RFTN1: variants seen among roughly 807,000 people sequenced by gnomAD.
RFTN1 encodes the protein raftlin, lipid raft linker 1, also known as raftlin.
Under a neutral mutation model 46.5 loss-of-function variants are expected in RFTN1, and 26 were observed. The ratio of observed to expected loss-of-function variants is 0.56; its 90% CI spans 0.41 to 0.78. The LOEUF (loss-of-function observed/expected upper bound fraction) is 0.78. Among genes scored for constraint, RFTN1 ranks in the 30% least tolerant of loss-of-function variants. The probability of loss-of-function intolerance (pLI) is 0.00; values close to 1 mark genes in which losing one functional copy is unlikely to be tolerated. For missense variants in RFTN1, 693 were observed against 718.7 expected, an observed-to-expected ratio of 0.96 and a Z score of 0.41; for synonymous variants, 261 against 284.2, an observed-to-expected ratio of 0.92 and a Z score of 0.82.
At chr3:16,347,373 CAGA>C (rs1390707828) in intron 7 of RFTN1, among the ~76,000 whole-genome samples, 1 of 152,182 alleles carries the variant, frequency 6.6e-6, no homozygotes, top group Non-Finnish European at 1.5e-5. Flanking sequence ...TTCTGGAAGC[CAGA>C]AGTTCAAAAT....
In RFTN1 at chr3:16,457,897, A is replaced by C. The variant is rs1405379415; in HGVS notation, c.146-23860T>G. 6.6e-6 allele frequency among the ~76,000 whole-genome samples: 1 copy of C among 152,130 alleles called. No individual in the cohort carries two copies. The highest frequency in any genetic ancestry group is 2.4e-5 in the African/African-American group (1 of 41,418). Reference sequence around the variant, plus strand: ...AGGGCTCAGCCCTTATGAGTGGATTAATATCATTATAAAAGGGTTTCACAG... The same window carrying C: ...AGGGCTCAGCCCTTATGAGTGGATTCATATCATTATAAAAGGGTTTCACAG... On this transcript the variant is annotated intron_variant, in intron 2 of 9. Coordinates refer to ENST00000334133, the MANE Select transcript of RFTN1 (RefSeq NM_015150.2). The surrounding 1 kb of genome is among the most constrained non-coding windows in gnomAD (Gnocchi z 4.2).
At chr3:16,401,321 TAAAAA>T (rs56312811) in intron 4 of RFTN1, among the ~76,000 whole-genome samples, 61 of 145,436 alleles carry the variant, frequency 4.2e-4, no homozygotes, top group Non-Finnish European at 4.4e-4. Flanking sequence ...GAAGCCGTGT[TAAAAA>T]AAAAAAAAAA....
rs35848042 is a variant in RFTN1 at position 16,507,599 on chromosome 3, AAC to A, written c.-9+5841_-9+5842del. Among the ~76,000 whole-genome samples the A allele has an allele frequency of 1.4e-3, 205 of 142,362 alleles. No homozygotes were observed. The highest frequency in any genetic ancestry group is 7.4e-3 in the Middle Eastern group (2 of 272). 93.4% of individuals were successfully genotyped at this position (142,362 alleles called of 152,430 possible). A position where few individuals can be genotyped will look rare whatever the true frequency, so the allele number is the denominator to read the frequency against. ...TAAAAGGCAAAGTAGGGAGTTTCAA[AAC>A]ACACACACACACACACACACATACA... On this transcript the variant is annotated intron_variant, in intron 1 of 9. Coordinates refer to ENST00000334133, the MANE Select transcript of RFTN1 (RefSeq NM_015150.2). This position sits in a 1 kb window ranked among gnomAD's most constrained non-coding sequence, Gnocchi z 7.1.
chr3:16,346,751 G>A lies in RFTN1; in HGVS notation c.1146+11181C>T, dbSNP rs898372366. 2.0e-5 allele frequency among the ~76,000 whole-genome samples: 3 copies of A among 152,264 alleles called. No individual in the cohort carries two copies. Among genetic ancestry groups the A allele is most frequent in the South Asian group, 2.1e-4 (1 of 4,826 alleles). ...ACGTGTGGCAGGAAAAAACTGCCCCGTTCTTCACGGTTGTCATCACATTTG... is the reference window on the plus strand; with the variant it reads ...ACGTGTGGCAGGAAAAAACTGCCCCATTCTTCACGGTTGTCATCACATTTG... On this transcript the variant is annotated intron_variant, in intron 7 of 9. Transcript: ENST00000334133. The surrounding 1 kb of genome is among the most constrained non-coding windows in gnomAD (Gnocchi z 4.4).
rs690388 is a variant in RFTN1, at chr3:16,342,762, C to T, written c.1146+15170G>A. On this transcript the variant is annotated intron_variant, in intron 7 of 9. Transcript: ENST00000334133. This position sits in a 1 kb window ranked among gnomAD's most constrained non-coding sequence, Gnocchi z 4.0. ...TAAAGAGGCCACTGATTTAAAAGCT[C>T]TGTGTCAACATGCATGCCCAGCTTA... Among the ~76,000 whole-genome samples, 1 of 152,234 alleles carries T rather than the reference C, an allele frequency of 6.6e-6. No individual in the cohort carries two copies. Among genetic ancestry groups the T allele is most frequent in the Admixed American group, 6.5e-5 (1 of 15,300 alleles).
chr3:16,492,918 T>C (rs573852689), intron 2 of RFTN1, among the ~76,000 whole-genome samples: 35 of 152,308 alleles, frequency 2.3e-4, no homozygotes, highest in African/African-American at 8.4e-4. Flanking sequence ...TGACCATCCC[T>C]TGCCAGTCTT....
In RFTN1 at chr3:16,376,226, G is replaced by A. The variant is rs2073764403; in HGVS notation, c.826+1492C>T. On this transcript the variant is annotated intron_variant, in intron 5 of 9. Transcript: ENST00000334133. This position sits in a 1 kb window ranked among gnomAD's most constrained non-coding sequence, Gnocchi z 4.7. ...ATACTCATGAGTCAAACAGTGCCGA[G>A]TGCTTTAAATGTACAACTTTAACCT... 6.6e-6 allele frequency among the ~76,000 whole-genome samples: 1 copy of A among 152,182 alleles called. No individual in the cohort carries two copies. The highest frequency in any genetic ancestry group is 2.1e-4 in the South Asian group (1 of 4,826).
intron 3 of RFTN1, among the ~76,000 whole-genome samples, chr3:16,417,589 C>T (rs1018123621): frequency 2.0e-5 from 3 of 151,942 alleles, no homozygotes; most frequent in Non-Finnish European, 1.5e-5. Context: ...TGTGTGCAAA[C>T]TCAGAGATGT....
At chr3:16,471,708 C>A (rs2076199028) in intron 2 of RFTN1, among the ~76,000 whole-genome samples, 2 of 152,144 alleles carry the variant, frequency 1.3e-5, no homozygotes, top group South Asian at 4.2e-4. Context: ...CTTAAGCATT[C>A]TAAAACACAC....
intron 4 of RFTN1, among the ~76,000 whole-genome samples, chr3:16,395,008 T>TG (rs1277261203): frequency 2.0e-5 from 3 of 151,872 alleles, no homozygotes; most frequent in African/African-American, 4.8e-5. Context: ...CAATAATACA[T>TG]GAAAAAAAAG....
rs1483824576 is a variant in RFTN1 at position 16,442,470 on chromosome 3, T to C, written c.146-8433A>G. Among the ~76,000 whole-genome samples, 1 of 152,202 alleles carries C rather than the reference T, an allele frequency of 6.6e-6. No individual in the cohort carries two copies. The highest frequency in any genetic ancestry group is 2.4e-5 in the African/African-American group (1 of 41,440). On this transcript the variant is annotated intron_variant, in intron 2 of 9. Transcript: ENST00000334133. The surrounding 1 kb of genome is among the most constrained non-coding windows in gnomAD (Gnocchi z 4.1). The stretch of plus-strand genomic sequence containing the variant: ...AATTTTAATGGATTTTTGTTGTGTA[T>C]ATTCAAGGTGTACAACATGATGCCT...
chr3:16,464,628 CA>C (rs754307353), intron 2 of RFTN1, among the ~76,000 whole-genome samples: 9 of 152,222 alleles, frequency 5.9e-5, no homozygotes, highest in Non-Finnish European at 1.2e-4. Flanking sequence ...CACAGTTTGC[CA>C]GTGTTGGGCA....
chr3:16,359,064 C>CA (rs1188900834), intron 6 of RFTN1, among the ~76,000 whole-genome samples: 4 of 144,900 alleles, frequency 2.8e-5, no homozygotes, highest in African/African-American at 1.0e-4. Context: ...AAATACTGAA[C>CA]AGAGTCCTTG....
rs1420120305 is a variant in RFTN1 at position 16,448,572 on chromosome 3, C to A, written c.146-14535G>T. ...ACATTAAATTTTTTTTCTTAACTAA[C>A]TGTCGCTATTCCAAATTGGAGGAAA... On this transcript the variant is annotated intron_variant, in intron 2 of 9. Transcript: ENST00000334133. The surrounding 1 kb of genome is among the most constrained non-coding windows in gnomAD (Gnocchi z 4.1). 6.6e-6 allele frequency among the ~76,000 whole-genome samples: 1 copy of A among 152,176 alleles called. No homozygotes were observed. The highest frequency in any genetic ancestry group is 1.9e-4 in the East Asian group (1 of 5,204).
intron 6 of RFTN1, among the ~76,000 whole-genome samples, chr3:16,368,856 G>A (rs2073363875): frequency 6.6e-6 from 1 of 152,190 alleles, no homozygotes; most frequent in African/African-American, 2.4e-5. Context: ...CAGGCAGCCG[G>A]TGGCCGCCAT....
intron 4 of RFTN1, among the ~76,000 whole-genome samples, chr3:16,408,092 T>C (rs1412686693): frequency 6.6e-6 from 1 of 152,150 alleles, no homozygotes; most frequent in Non-Finnish European, 1.5e-5. Context: ...GTCCCAGCTG[T>C]CTCTGGCCCC....
intron 7 of RFTN1, among the ~76,000 whole-genome samples, chr3:16,330,805 G>A (rs2070234179): frequency 6.6e-6 from 1 of 152,104 alleles, no homozygotes; most frequent in Non-Finnish European, 1.5e-5. Context: ...CAAAAATTAG[G>A]ACAACAGAAT....
At position 16,513,478 on chromosome 3, in the gene RFTN1, G is replaced by C. The variant is rs1400813433; in HGVS notation, c.-45C>G. On this transcript the variant is annotated 5_prime_UTR_variant, in exon 1 of 10. Coordinates refer to ENST00000334133, the MANE Select transcript of RFTN1 (RefSeq NM_015150.2). This position sits in a 1 kb window ranked among gnomAD's most constrained non-coding sequence, Gnocchi z 5.4. ...GGCGGAGGAGAAGGCGCGGTCGCGG[G>C]CTCCCTGAGGCAGCGTGTTCCGTCC... The C allele has an allele frequency of 6.6e-6, 1 of 152,160 alleles. No homozygotes were observed. The highest frequency in any genetic ancestry group is 2.4e-5 in the African/African-American group (1 of 41,384). The allele number at this position is 152,160 out of a possible 1,614,324, so 9.4% of individuals were successfully genotyped here. A position where few individuals can be genotyped will look rare whatever the true frequency, so the allele number is the denominator to read the frequency against.
In RFTN1 at chr3:16,479,981, T is replaced by A. The variant is rs2076338715; in HGVS notation, c.145+13744A>T. 6.6e-6 allele frequency among the ~76,000 whole-genome samples: 1 copy of A among 152,228 alleles called. No homozygotes were observed. The highest frequency in any genetic ancestry group is 2.4e-5 in the African/African-American group (1 of 41,466). On this transcript the variant is annotated intron_variant, in intron 2 of 9. Coordinates refer to ENST00000334133, the MANE Select transcript of RFTN1 (RefSeq NM_015150.2). The surrounding 1 kb of genome is among the most constrained non-coding windows in gnomAD (Gnocchi z 5.1). ...AGATATAGGAGAACAGACACCAGACTAGGACATTAAAAACTCCAGAATTTG... is the reference window on the plus strand; with the variant it reads ...AGATATAGGAGAACAGACACCAGACAAGGACATTAAAAACTCCAGAATTTG...
Sources: gnomAD v4.1 joint callset for allele counts (sites outside exome capture counted in the v4.1 genomes callset) on GRCh38, gnomAD v4.1.1 for gene constraint, Gnocchi (gnomAD v3.1) non-coding constraint, MANE v1.5 for transcripts, NCBI Gene and HGNC (gene_info 2026-07-23, HGNC 2026-07-21) for gene names.